The following TBCD variants were observed in gnomAD, a reference collection of about 807,000 sequenced individuals.
TBCD encodes tubulin folding cofactor D.
TBCD carries 105 observed loss-of-function variants against 169.3 expected under a neutral mutation model. The ratio of observed to expected loss-of-function variants is 0.62; its 90% CI spans 0.53 to 0.73. The LOEUF (loss-of-function observed/expected upper bound fraction) is 0.73. Ranked by LOEUF, TBCD falls within the 30% of genes least tolerant of loss-of-function variation. TBCD has a pLI of 0.00. For synonymous variants in TBCD, 700 were observed against 643.9 expected (o/e 1.09, Z -1.32); for missense variants, 1,444 against 1,600.1 (o/e 0.90, Z 1.66).
intron 3 of TBCD, 143 bp downstream of exon 3, chr17:82,764,205 T>C: frequency 3.0e-6 from 2 of 675,700 alleles, no homozygotes; most frequent in African/African-American, 1.8e-5. Context: ...TTTTACTGTA[T>C]GTTGGGGATC....
rs1485596566 is a variant in TBCD at position 82,784,725 on chromosome 17, C to T, written c.771+3004C>T. Among the ~76,000 whole-genome samples the T allele has an allele frequency of 2.6e-5, 4 of 152,134 alleles. No individual in the cohort carries two copies. In the East Asian group the frequency reaches 7.7e-4, roughly 29 times the overall value. The stretch of plus-strand genomic sequence containing the variant: ...TTGTGATGCTGGGTGTACAGACAGC[C>T]TCCCACATGACCAAGGACACGCTCT... On this transcript the variant is annotated intron_variant, in intron 7 of 38. Transcript: ENST00000355528.
intron 2 of TBCD, among the ~76,000 whole-genome samples, chr17:82,758,822 G>C (rs953400877): frequency 6.6e-6 from 1 of 151,652 alleles, no homozygotes; most frequent in Admixed American, 6.6e-5. Flanking sequence ...ACCACGCCTG[G>C]CTAATTTTTT....
In TBCD at chr17:82,942,699, C is replaced by T. The variant is rs2063422696; in HGVS notation, c.*236C>T. On this transcript the variant is annotated 3_prime_UTR_variant, in exon 39 of 39. Coordinates refer to ENST00000355528, the MANE Select transcript of TBCD (RefSeq NM_005993.5). The stretch of plus-strand genomic sequence containing the variant: ...ATGTGCTTCCTATAAAATCATGTAC[C>T]AAGAAGTTCCTGCCTTTTGTCTCTG... 1.7e-6 allele frequency: 1 copy of T among 603,892 alleles called. No homozygotes were observed. Among genetic ancestry groups the T allele is most frequent in the East Asian group, 2.8e-5 (1 of 35,998 alleles). The allele number at this position is 603,892 out of a possible 1,614,324, so 37.4% of individuals were successfully genotyped here. A position where few individuals can be genotyped will look rare whatever the true frequency, so the allele number is the denominator to read the frequency against.
chr17:82,832,477 CTG>C lies in TBCD; in HGVS notation c.1318+17544_1318+17545del. The C allele has an allele frequency of 3.1e-6, 5 of 1,600,066 alleles. No homozygotes were observed. The highest frequency in any genetic ancestry group is 4.3e-6 in the Non-Finnish European group (5 of 1,175,630). The stretch of plus-strand genomic sequence containing the variant: ...CATTTTCCTCCTTATGCCTTGGACT[CTG>C]GCTGTCCAGGTGGCGTGATCACTGT... On this transcript the variant is annotated intron_variant, in intron 13 of 38. Transcript: ENST00000355528. The surrounding 1 kb of genome is among the most constrained non-coding windows in gnomAD (Gnocchi z 4.9).
At chr17:82,758,400 A>AAAAAAATAAATAAAT (rs1035939621) in intron 2 of TBCD, among the ~76,000 whole-genome samples, 5 of 100,030 alleles carry the variant, frequency 5.0e-5, no homozygotes, top group East Asian at 3.1e-4. Context: ...AAAAAAAAAA[A>AAAAAAATAAATAAAT]AAATAAATAA....
At chr17:82,756,107 G>A in intron 1 of TBCD, 58 bp from the exon 2 acceptor site, 2 of 1,487,236 alleles carry the variant, frequency 1.3e-6, no homozygotes, top group Non-Finnish European at 1.8e-6. Context: ...GGGTTTCTGA[G>A]GCTCATGGGT....
intron 13 of TBCD, among the ~76,000 whole-genome samples, chr17:82,815,909 C>A (rs1200288514): frequency 2.0e-5 from 3 of 151,944 alleles, no homozygotes; most frequent in Non-Finnish European, 4.4e-5. Flanking sequence ...CTCTTTATTG[C>A]GATCTAATTT....
At chr17:82,927,654 C>T (rs1039599488) in intron 29 of TBCD, among the ~76,000 whole-genome samples, 4 of 152,006 alleles carry the variant, frequency 2.6e-5, no homozygotes, top group Non-Finnish European at 5.9e-5. Context: ...GGATTGATAA[C>T]CCCTGAAACG....
chr17:82,802,315 G>A (rs542525801), intron 9 of TBCD, among the ~76,000 whole-genome samples: 163 of 152,064 alleles, frequency 1.1e-3, no homozygotes, highest in Non-Finnish European at 1.9e-3. Context: ...ACTTGGTTAA[G>A]GTCAGCTCAC....
intron 6 of TBCD, among the ~76,000 whole-genome samples, chr17:82,780,493 C>G (rs370387557): frequency 2.0e-5 from 3 of 151,714 alleles, no homozygotes; most frequent in African/African-American, 7.3e-5. Context: ...GGCATGGTGG[C>G]GTGCGCTTGT....
chr17:82,815,008 A>G lies in TBCD; in HGVS notation c.1318+74A>G, dbSNP rs891847638. Reference sequence around the variant, plus strand: ...TGGGCAGGAGAGGCCTGTTGCTGCCATCTCGACTCGTGGATGGTGAGTAGC... The same window carrying G: ...TGGGCAGGAGAGGCCTGTTGCTGCCGTCTCGACTCGTGGATGGTGAGTAGC... On this transcript the variant is annotated intron_variant, in intron 13 of 38. Coordinates refer to ENST00000355528, the MANE Select transcript of TBCD (RefSeq NM_005993.5). 2.5e-4 allele frequency: 394 copies of G among 1,579,980 alleles called. 2 individuals are homozygous for G. The African/African-American group carries it at 3.9e-3, about 16-fold the overall frequency.
At chr17:82,836,483 A>G (rs1567862039) in intron 13 of TBCD, among the ~76,000 whole-genome samples, 1 of 152,234 alleles carries the variant, frequency 6.6e-6, no homozygotes, top group Non-Finnish European at 1.5e-5. Context: ...CCTGAAACAC[A>G]AGCCCTCAGA....
intron 2 of TBCD, among the ~76,000 whole-genome samples, chr17:82,758,400 A>AATAAAAAT (rs1555672641): frequency 0.05 from 5,032 of 100,212 alleles, 325 homozygotes; most frequent in African/African-American, 0.12. Flanking sequence ...AAAAAAAAAA[A>AATAAAAAT]AAATAAATAA....
chr17:82,872,710 T>C (rs2057671799), intron 14 of TBCD, among the ~76,000 whole-genome samples: 1 of 152,278 alleles, frequency 6.6e-6, no homozygotes, highest in South Asian at 2.1e-4. Context: ...TACGTTGATA[T>C]CTCATTCAGT....
intron 13 of TBCD, among the ~76,000 whole-genome samples, chr17:82,854,295 C>T (rs2056067091): frequency 6.6e-6 from 1 of 152,184 alleles, no homozygotes; most frequent in Non-Finnish European, 1.5e-5. Flanking sequence ...TTCAGCACCC[C>T]AAGGGGAAAA....
At chr17:82,905,357 C>G (rs181858717) in intron 19 of TBCD, among the ~76,000 whole-genome samples, 1 of 152,258 alleles carries the variant, frequency 6.6e-6, no homozygotes, top group Non-Finnish European at 1.5e-5. Context: ...CCGCAGCCTC[C>G]GTCCTGTTGC....
At chr17:82,780,646 T>TTTTC (rs1264047307) in intron 6 of TBCD, among the ~76,000 whole-genome samples, 2 of 4,270 alleles carry the variant, frequency 4.7e-4, no homozygotes, top group East Asian at 0.025. Context: ...AGACTTGGGC[T>TTTTC]TTTTTTTTTT....
rs530374463 is a variant in TBCD, at chr17:82,769,171, A to G, written c.582+605A>G. ...TGGGTCCTTTGTGTCAAGCTTGCCC[A>G]CAGCTGCAGTTAAAACTCGACATGG... On this transcript the variant is annotated intron_variant, in intron 5 of 38. Coordinates refer to ENST00000355528, the MANE Select transcript of TBCD (RefSeq NM_005993.5). Among the ~76,000 whole-genome samples the G allele has an allele frequency of 2.0e-5, 3 of 152,306 alleles. No individual in the cohort carries two copies. In the East Asian group the frequency reaches 5.8e-4, roughly 29 times the overall value.
chr17:82,756,085 C>T, intron 1 of TBCD, 80 bp from the exon 2 acceptor site: 1 of 1,300,758 alleles, frequency 7.7e-7, no homozygotes, highest in Non-Finnish European at 1.1e-6. Flanking sequence ...TGGAAGCTAG[C>T]AAGGGAAAAT....
Sources: gnomAD v4.1 joint callset for allele counts (sites outside exome capture counted in the v4.1 genomes callset) on GRCh38, gnomAD v4.1.1 for gene constraint, Gnocchi (gnomAD v3.1) non-coding constraint, MANE v1.5 for transcripts, NCBI Gene and HGNC (gene_info 2026-07-23, HGNC 2026-07-21) for gene names.